Variants in ABCB5 observed in about 807,000 individuals in gnomAD.
ABCB5 encodes the protein ATP-binding cassette sub-family B member 5.
A neutral mutation model predicts 144.2 loss-of-function variants in ABCB5; 155 were observed. The ratio of observed to expected loss-of-function variants is 1.08; its 90% CI spans 0.94 to 1.23. The LOEUF (loss-of-function observed/expected upper bound fraction) is 1.23, where lower values mean the gene tolerates loss of function less well. Among genes scored for constraint, ABCB5 ranks in the 50% most tolerant of loss-of-function variants. ABCB5 has a pLI of 0.00. For synonymous variants in ABCB5, 610 were observed against 528.6 expected (o/e 1.15, Z -2.11); for missense variants, 1,830 against 1,520.8 (o/e 1.20, Z -3.38).
At position 20,629,692 on chromosome 7, in the gene ABCB5, G is replaced by A. The variant is rs895169162; in HGVS notation, c.259+854G>A. ...CAGGAGAATTGTTTGAACCCAGGAG[G>A]CAGAGGTTGCATTGAGCCAAGATTG... is the stretch of plus-strand genomic sequence containing the variant. On this transcript the variant is annotated intron_variant, in intron 4 of 27. Coordinates refer to ENST00000404938, the MANE Select transcript of ABCB5 (RefSeq NM_001163941.2). Among the ~76,000 whole-genome samples the A allele has an allele frequency of 2.6e-5, 4 of 152,020 alleles. 1 individual carries two copies. The highest frequency in any genetic ancestry group is 4.2e-4 in the South Asian group (2 of 4,818).
At position 20,643,632 on chromosome 7, in the gene ABCB5, G is replaced by A. The variant is rs190925444; in HGVS notation, c.678G>A (p.Arg226=). 2.6e-4 allele frequency: 416 copies of A among 1,613,672 alleles called. 2 individuals are homozygous for A. In the African/African-American group the frequency reaches 4.8e-3, roughly 19 times the overall value. ...TGGCTTCAGCGGCAGCATGTTCTAG[G>A]GTAAGTGAGATGGCTAATGCAATAT... ...LIMASAAACS[R]MVISLTSKEL... Residue 226 remains arginine, a splice_region_variant and synonymous_variant, in exon 7 of 28, where the codon AGG becomes AGA. Transcript: ENST00000404938.
At chr7:20,687,853 C>T (rs1338634854) in intron 16 of ABCB5, among the ~76,000 whole-genome samples, 1 of 151,910 alleles carries the variant, frequency 6.6e-6, no homozygotes, top group East Asian at 1.9e-4. Flanking sequence ...CCACTGTACC[C>T]CAGCCTGACT....
At chr7:20,749,702 T>G (rs1441452058) in intron 26 of ABCB5, among the ~76,000 whole-genome samples, 1 of 152,156 alleles carries the variant, frequency 6.6e-6, no homozygotes, top group African/African-American at 2.4e-5. Flanking sequence ...ATAATTATAG[T>G]GCACAGAAGG....
chr7:20,671,740 G>A (rs1785464553), intron 14 of ABCB5, among the ~76,000 whole-genome samples: 2 of 152,144 alleles, frequency 1.3e-5, no homozygotes, highest in South Asian at 2.1e-4. Flanking sequence ...GAATTATTAG[G>A]TTTGTTTTCA....
intron 5 of ABCB5, among the ~76,000 whole-genome samples, chr7:20,637,996 T>C (rs1453458285): frequency 6.6e-6 from 1 of 152,166 alleles, no homozygotes; most frequent in Non-Finnish European, 1.5e-5. Flanking sequence ...ATTCTTCTTC[T>C]CCATCCCAGG....
intron 1 of ABCB5, among the ~76,000 whole-genome samples, chr7:20,621,440 T>A (rs1395007510): frequency 6.6e-6 from 1 of 152,166 alleles, no homozygotes; most frequent in Non-Finnish European, 1.5e-5. Flanking sequence ...GCATTTTTAA[T>A]CATGTCTAGG....
intron 1 of ABCB5, among the ~76,000 whole-genome samples, chr7:20,618,606 T>A (rs913632156): frequency 2.0e-5 from 3 of 152,032 alleles, no homozygotes; most frequent in African/African-American, 7.2e-5. Context: ...ATTTTTCTCA[T>A]CTTTATGTCC....
intron 20 of ABCB5, among the ~76,000 whole-genome samples, chr7:20,709,941 G>A (rs1786965573): frequency 6.7e-6 from 1 of 148,764 alleles, no homozygotes; most frequent in South Asian, 2.2e-4. Context: ...TGGGTGTGGT[G>A]GTGGGTGCCT....
At chr7:20,703,609 GC>G (rs1459646991) in intron 19 of ABCB5, among the ~76,000 whole-genome samples, 4 of 51,806 alleles carry the variant, frequency 7.7e-5, no homozygotes, top group Non-Finnish European at 1.8e-4. Flanking sequence ...GTTGCAGTAA[GC>G]CAAGATTTTT....
chr7:20,742,737 C>G, intron 24 of ABCB5, 140 bp from the exon 25 acceptor site: 1 of 759,890 alleles, frequency 1.3e-6, no homozygotes. Flanking sequence ...GTCAACAGCT[C>G]TACAGAGATG....
intron 26 of ABCB5, among the ~76,000 whole-genome samples, chr7:20,748,353 T>C (rs910260265): frequency 1.5e-5 from 2 of 129,738 alleles, no homozygotes; most frequent in Non-Finnish European, 3.2e-5. Context: ...TTCCTTCAGA[T>C]AGAATTAATT....
chr7:20,669,044 C>T (rs1197220985), intron 14 of ABCB5, among the ~76,000 whole-genome samples: 53 of 139,614 alleles, frequency 3.8e-4, no homozygotes, highest in African/African-American at 1.5e-3. Context: ...CCCGGCCGCC[C>T]CTACTGGGAA....
At chr7:20,641,604 A>G (rs961000168) in intron 5 of ABCB5, 5 of 154,074 alleles carry the variant, frequency 3.2e-5, no homozygotes, top group African/African-American at 1.2e-4. Context: ...TCCTGGGTCT[A>G]TAGTATGCTT....
intron 16 of ABCB5, among the ~76,000 whole-genome samples, chr7:20,686,725 C>T (rs1786014768): frequency 6.6e-6 from 1 of 152,142 alleles, no homozygotes; most frequent in Non-Finnish European, 1.5e-5. Context: ...AGCATCCATA[C>T]CATCTCACAC....
intron 16 of ABCB5, among the ~76,000 whole-genome samples, chr7:20,687,577 C>T (rs545088503): frequency 3.2e-4 from 48 of 152,256 alleles, no homozygotes; most frequent in African/African-American, 1.1e-3. Flanking sequence ...TATAGAAATC[C>T]GTGAGCCTGG....
At chr7:20,731,369 A>AAAAAAAAAATATATATATATATAT (rs57305244) in intron 23 of ABCB5, among the ~76,000 whole-genome samples, 3 of 123,074 alleles carry the variant, frequency 2.4e-5, no homozygotes, top group African/African-American at 9.9e-5. Flanking sequence ...AAAAAAAAAA[A>AAAAAAAAAATATATATATATATAT]ATATATATAT....
At chr7:20,637,907 G>A (rs1267211806) in intron 5 of ABCB5, among the ~76,000 whole-genome samples, 2 of 152,102 alleles carry the variant, frequency 1.3e-5, no homozygotes, top group African/African-American at 4.8e-5. Context: ...GGTGACTTTT[G>A]GAATCAGAAA....
chr7:20,626,697 G>C, intron 3 of ABCB5, 86 bp downstream of exon 3: 1 of 1,042,560 alleles, frequency 9.6e-7, no homozygotes. Context: ...TTATTAGATT[G>C]CATCCACTAT....
At chr7:20,623,912 T>C (rs917904764) in intron 2 of ABCB5, among the ~76,000 whole-genome samples, 2 of 152,226 alleles carry the variant, frequency 1.3e-5, no homozygotes, top group Non-Finnish European at 2.9e-5. Context: ...GGTCATGTAG[T>C]TTATTAATTC....
Sources: allele counts gnomAD v4.1 joint callset (sites outside exome capture counted in the v4.1 genomes callset), GRCh38; gene constraint gnomAD v4.1.1; transcripts MANE v1.5; gene names NCBI Gene and HGNC (gene_info 2026-07-23, HGNC 2026-07-21).